SMARCA2: variants seen among roughly 807,000 people sequenced by gnomAD.
SMARCA2 encodes the protein SWI/SNF-related matrix-associated actin-dependent regulator of chromatin subfamily A member 2.
A neutral mutation model predicts 199.8 loss-of-function variants in SMARCA2; 61 were observed. The ratio of observed to expected loss-of-function variants is 0.31; its 90% CI spans 0.25 to 0.38. The LOEUF (loss-of-function observed/expected upper bound fraction) is 0.38. Among genes scored for constraint, SMARCA2 ranks in the 10% least tolerant of loss-of-function variants. The pLI, the probability that SMARCA2 is intolerant of heterozygous loss-of-function variation, is 1.00. For synonymous variants in SMARCA2, 935 were observed against 732.0 expected (o/e 1.28, Z -4.48); for missense variants, 1,344 against 2,012.2 (o/e 0.67, Z 6.35).
chr9:2,168,033 CTTTTTTTTTTTTT>C (rs367986975), intron 28 of SMARCA2, among the ~76,000 whole-genome samples: 1 of 138,810 alleles, frequency 7.2e-6, no homozygotes, highest in African/African-American at 2.7e-5. Context: ...TTTTCTTTTT[CTTTTTTTTTTTTT>C]TTTGAGACAG....
In SMARCA2 at chr9:2,115,679, T is replaced by C. The variant is rs2130598881; in HGVS notation, c.3457-143T>C. 1.5e-6 allele frequency: 1 copy of C among 661,962 alleles called. No individual in the cohort carries two copies. The highest frequency in any genetic ancestry group is 2.8e-5 in the East Asian group (1 of 36,218). 41.0% of individuals were successfully genotyped at this position (661,962 alleles called of 1,614,324 possible). On this transcript the variant is annotated intron_variant, in intron 24 of 33. Transcript: ENST00000349721. This position sits in a 1 kb window ranked among gnomAD's most constrained non-coding sequence, Gnocchi z 6.0. ...ACTGAATTTTTCCAAACGTAGCTTGTGTGTTTTTAAAATGTAGGCAAAATC... is the reference window on the plus strand; with the variant it reads ...ACTGAATTTTTCCAAACGTAGCTTGCGTGTTTTTAAAATGTAGGCAAAATC...
chr9:2,143,918 G>T (rs764373721), intron 27 of SMARCA2, among the ~76,000 whole-genome samples: 12 of 152,154 alleles, frequency 7.9e-5, no homozygotes, highest in African/African-American at 2.9e-4. Flanking sequence ...CTGAAGGTTC[G>T]TTGAGAATCA....
At chr9:2,140,171 G>C (rs1201665847) in intron 27 of SMARCA2, among the ~76,000 whole-genome samples, 4 of 152,164 alleles carry the variant, frequency 2.6e-5, no homozygotes, top group African/African-American at 9.7e-5. Flanking sequence ...ACCTACTCTG[G>C]TCCCATTTTA....
At chr9:2,103,358 T>A (rs1451349656) in intron 22 of SMARCA2, among the ~76,000 whole-genome samples, 1 of 152,208 alleles carries the variant, frequency 6.6e-6, no homozygotes, top group Non-Finnish European at 1.5e-5. Context: ...GGCCAAAGGT[T>A]GCCAAACTCT....
At chr9:2,171,560 TGGAAA>T (rs1001802256) in intron 29 of SMARCA2, among the ~76,000 whole-genome samples, 2 of 152,254 alleles carry the variant, frequency 1.3e-5, no homozygotes, top group African/African-American at 4.8e-5. Flanking sequence ...TGACTAATCC[TGGAAA>T]CCAGGCACAT....
Position 2,109,081 on chromosome 9 carries a change from T to G in SMARCA2, c.3293-1173T>G, listed in dbSNP as rs143926404. Among the ~76,000 whole-genome samples the G allele has an allele frequency of 7.2e-3, 1,104 of 152,328 alleles. 11 individuals carry two copies. Among genetic ancestry groups the G allele is most frequent in the African/African-American group, 0.025 (1,034 of 41,574 alleles). ...TGTGAAAAACAGATCGTCCCCATGT[T>G]TGAGAACTTGGCCCTCATAGTAACT... On this transcript the variant is annotated intron_variant, in intron 23 of 33. Coordinates refer to ENST00000349721, the MANE Select transcript of SMARCA2 (RefSeq NM_003070.5).
In SMARCA2 at chr9:2,169,081, A is replaced by G. The variant is rs952772028; in HGVS notation, c.4200-1338A>G. On this transcript the variant is annotated intron_variant, in intron 28 of 33. Transcript: ENST00000349721. The surrounding 1 kb of genome is among the most constrained non-coding windows in gnomAD (Gnocchi z 6.5). ...CCAAGGTCCTAAAAGTGAAATAATG[A>G]AGACTTTCCCAATTCTGTGCCTTAT... 6.6e-6 allele frequency among the ~76,000 whole-genome samples: 1 copy of G among 152,148 alleles called. No individual in the cohort carries two copies. The highest frequency in any genetic ancestry group is 1.5e-5 in the Non-Finnish European group (1 of 68,026).
intron 12 of SMARCA2, among the ~76,000 whole-genome samples, 165 bp downstream of exon 12, chr9:2,073,788 T>C (rs2053819534): frequency 6.6e-6 from 1 of 152,220 alleles, no homozygotes; most frequent in South Asian, 2.1e-4. Flanking sequence ...TTTGATGGTG[T>C]ATGCCTAGTG....
intron 32 of SMARCA2, among the ~76,000 whole-genome samples, chr9:2,188,356 T>C (rs75047786): frequency 0.021 from 3,237 of 152,164 alleles, 42 homozygotes; most frequent in Middle Eastern, 0.037. Flanking sequence ...CCACAGAGAA[T>C]GGAGTTTCCA....
At chr9:2,172,459 G>T (rs1826305432) in intron 29 of SMARCA2, among the ~76,000 whole-genome samples, 1 of 151,490 alleles carries the variant, frequency 6.6e-6, no homozygotes, top group South Asian at 2.1e-4. Flanking sequence ...GCTTGTGGTG[G>T]TATGTGCGGG....
intron 3 of SMARCA2, 91 bp downstream of exon 3, chr9:2,033,172 G>A: frequency 6.8e-7 from 1 of 1,461,064 alleles, no homozygotes; most frequent in Non-Finnish European, 9.4e-7. Context: ...TCCAAAGAAT[G>A]TGTCTAAGGA....
chr9:2,031,988 C>G (rs1277455008), intron 2 of SMARCA2, among the ~76,000 whole-genome samples: 1 of 152,174 alleles, frequency 6.6e-6, no homozygotes, highest in Admixed American at 6.5e-5. Flanking sequence ...CTCAGTGACA[C>G]TCTTTATACC....
chr9:2,173,209 C>T (rs1305719061), intron 29 of SMARCA2, among the ~76,000 whole-genome samples: 1 of 152,092 alleles, frequency 6.6e-6, no homozygotes, highest in South Asian at 2.1e-4. Flanking sequence ...TGCACATGTG[C>T]ATGTATGTAG....
chr9:2,105,516 A>C (rs1822715780), intron 23 of SMARCA2, among the ~76,000 whole-genome samples: 1 of 151,912 alleles, frequency 6.6e-6, no homozygotes, highest in South Asian at 2.1e-4. Context: ...GGCCTCCCAC[A>C]GTGTTGGGAT....
chr9:2,190,067 G>A (rs1387085677), intron 32 of SMARCA2, among the ~76,000 whole-genome samples: 1 of 152,166 alleles, frequency 6.6e-6, no homozygotes, highest in African/African-American at 2.4e-5. Flanking sequence ...ATGGTATTCT[G>A]TGGATACCTA....
chr9:2,186,592 A>G (rs1827477268), intron 32 of SMARCA2, among the ~76,000 whole-genome samples: 1 of 144,926 alleles, frequency 6.9e-6, no homozygotes, highest in African/African-American at 2.6e-5. Context: ...TCCACCTCCC[A>G]GTAGCTCACT....
intron 32 of SMARCA2, 35 bp from the exon 33 acceptor site, chr9:2,191,231 C>G (rs758170068): frequency 1.9e-6 from 3 of 1,606,386 alleles, no homozygotes; most frequent in Admixed American, 1.7e-5. Context: ...CTTGTGATTA[C>G]TCACTGGTGT....
At chr9:2,025,447 A>G (rs1818786475) in intron 1 of SMARCA2, among the ~76,000 whole-genome samples, 1 of 152,186 alleles carries the variant, frequency 6.6e-6, no homozygotes, top group South Asian at 2.1e-4. Context: ...TTCTCCTAAC[A>G]CAAAATAAAA....
At chr9:2,015,967 G>T (rs1297896845) in intron 1 of SMARCA2, 1 of 152,570 alleles carries the variant, frequency 6.6e-6, no homozygotes, top group Admixed American at 6.5e-5. Flanking sequence ...AGTTGGAAGG[G>T]GAACGGGAAA....
Sources: allele counts gnomAD v4.1 joint callset (sites outside exome capture counted in the v4.1 genomes callset), GRCh38; gene constraint gnomAD v4.1.1; non-coding constraint Gnocchi (gnomAD v3.1); transcripts MANE v1.5; gene names NCBI Gene and HGNC (gene_info 2026-07-23, HGNC 2026-07-21).